GALNTL6: variants seen among roughly 807,000 people sequenced by gnomAD.
GALNTL6 encodes polypeptide N-acetylgalactosaminyltransferase like 6.
GALNTL6 carries 46 observed loss-of-function variants against 73.7 expected under a neutral mutation model. The ratio of observed to expected loss-of-function variants is 0.62; its 90% CI spans 0.49 to 0.80. The LOEUF is 0.80. Among genes scored for constraint, GALNTL6 ranks in the 30% least tolerant of loss-of-function variants. GALNTL6 has a pLI of 0.00. For synonymous variants in GALNTL6, 259 were observed against 263.7 expected (o/e 0.98, Z 0.17); for missense variants, 604 against 755.0 (o/e 0.80, Z 2.34).
chr4:172,066,797 G>T (rs944548883), intron 2 of GALNTL6, among the ~76,000 whole-genome samples: 2 of 152,026 alleles, frequency 1.3e-5, no homozygotes, highest in Non-Finnish European at 2.9e-5. Flanking sequence ...TTGCTAGTTT[G>T]TTTTTTCCAA....
intron 2 of GALNTL6, among the ~76,000 whole-genome samples, chr4:172,062,236 A>G (rs570811157): frequency 1.1e-3 from 160 of 152,096 alleles, no homozygotes; most frequent in South Asian, 4.1e-3. Context: ...TTACAGGCAT[A>G]AGCCACTACT....
intron 5 of GALNTL6, among the ~76,000 whole-genome samples, chr4:172,353,552 C>T (rs1171380470): frequency 1.3e-5 from 2 of 152,030 alleles, no homozygotes; most frequent in African/African-American, 4.8e-5. Context: ...CTTGTGAACT[C>T]ATTTTATAGC....
rs181735677 is a variant in GALNTL6 at position 172,573,033 on chromosome 4, A to G, written c.553+224344A>G. On this transcript the variant is annotated intron_variant, in intron 5 of 12. Coordinates refer to ENST00000506823, the MANE Select transcript of GALNTL6 (RefSeq NM_001034845.3). ...TCTTCTTACCCCATAATATCACTAA[A>G]TAGAACAGAGTGCAATTACTATTAT... Among the ~76,000 whole-genome samples the G allele has an allele frequency of 1.3e-3, 193 of 152,286 alleles. 1 individual carries two copies. In the Middle Eastern group the frequency reaches 0.014, roughly 11 times the overall value.
At chr4:172,230,434 A>C (rs1009238459) in intron 3 of GALNTL6, among the ~76,000 whole-genome samples, 52 of 152,140 alleles carry the variant, frequency 3.4e-4, no homozygotes, top group African/African-American at 1.3e-3. Context: ...AAAAATACAA[A>C]AAATTAGCTG....
At chr4:172,626,217 G>A (rs1739164850) in intron 5 of GALNTL6, among the ~76,000 whole-genome samples, 1 of 152,066 alleles carries the variant, frequency 6.6e-6, no homozygotes, top group South Asian at 2.1e-4. Flanking sequence ...GTAGGGGTCA[G>A]TTTCATTCTA....
chr4:171,852,923 T>C (rs902135591), intron 2 of GALNTL6, among the ~76,000 whole-genome samples: 1 of 151,620 alleles, frequency 6.6e-6, no homozygotes, highest in African/African-American at 2.4e-5. Context: ...CTCGGCTCAC[T>C]GCAAGCTCCG....
intron 10 of GALNTL6, among the ~76,000 whole-genome samples, chr4:172,997,489 GAA>G (rs546215938): frequency 2.1e-3 from 319 of 152,274 alleles, no homozygotes; most frequent in African/African-American, 6.8e-3. Flanking sequence ...CCTTCTAGCA[GAA>G]AAGAGTTGCT....
At chr4:172,582,726 T>C (rs926703151) in intron 5 of GALNTL6, among the ~76,000 whole-genome samples, 5 of 147,876 alleles carry the variant, frequency 3.4e-5, no homozygotes, top group South Asian at 2.1e-4. Flanking sequence ...CCAGTACTCA[T>C]TGGGAAATCA....
At chr4:171,903,508 C>T (rs956144134) in intron 2 of GALNTL6, among the ~76,000 whole-genome samples, 2 of 151,692 alleles carry the variant, frequency 1.3e-5, no homozygotes, top group Admixed American at 6.6e-5. Context: ...CACGGAGTCT[C>T]GCTGATTGCT....
chr4:172,415,266 T>TAA (rs1240655748), intron 5 of GALNTL6, among the ~76,000 whole-genome samples: 1 of 152,226 alleles, frequency 6.6e-6, no homozygotes, highest in East Asian at 1.9e-4. Flanking sequence ...GAAATTTTAT[T>TAA]AGAGTCTTTA....
Position 172,483,793 on chromosome 4 carries a change from C to T in GALNTL6, c.553+135104C>T, listed in dbSNP as rs114339481. 4.6e-3 allele frequency among the ~76,000 whole-genome samples: 700 copies of T among 151,812 alleles called. 2 individuals carry two copies. Among genetic ancestry groups the T allele is most frequent in the Non-Finnish European group, 7.3e-3 (496 of 67,924 alleles). ...ATGACTGCAACCTACAACATCCAGT[C>T]GGAAGACATCAGGGGACATTAAGTG... is the stretch of plus-strand genomic sequence containing the variant. On this transcript the variant is annotated intron_variant, in intron 5 of 12. Coordinates refer to ENST00000506823, the MANE Select transcript of GALNTL6 (RefSeq NM_001034845.3).
At chr4:171,992,835 G>A (rs1448224626) in intron 2 of GALNTL6, among the ~76,000 whole-genome samples, 1 of 152,032 alleles carries the variant, frequency 6.6e-6, no homozygotes, top group Admixed American at 6.6e-5. Context: ...GCATGTTGAT[G>A]AGTATCTGTA....
chr4:172,638,402 G>C (rs894354626), intron 5 of GALNTL6, among the ~76,000 whole-genome samples: 1 of 152,060 alleles, frequency 6.6e-6, no homozygotes, highest in Non-Finnish European at 1.5e-5. Context: ...GTAAGGAAGT[G>C]GGGTGGGGCA....
rs573076284 is a variant in GALNTL6 at position 172,302,038 on chromosome 4, CTTTG to C, written c.248-9572_248-9569del. 2.0e-5 allele frequency among the ~76,000 whole-genome samples: 3 copies of C among 152,326 alleles called. No individual in the cohort carries two copies. In the South Asian group the frequency reaches 6.2e-4, roughly 32 times the overall value. On this transcript the variant is annotated intron_variant, in intron 3 of 12. Transcript: ENST00000506823. The stretch of plus-strand genomic sequence containing the variant: ...CCACCCAGTTCAAGATTCCCAGCCG[CTTTG>C]TTTACCTACTCAAGGCTCAGCAATG...
At chr4:173,031,126 A>G (rs73003969) in intron 12 of GALNTL6, among the ~76,000 whole-genome samples, 252 of 152,194 alleles carry the variant, frequency 1.7e-3, no homozygotes, top group African/African-American at 5.9e-3. Context: ...CTTTCTTACT[A>G]TGAATTTCTG....
intron 10 of GALNTL6, among the ~76,000 whole-genome samples, chr4:173,002,516 C>G (rs750006641): frequency 6.6e-6 from 1 of 151,534 alleles, no homozygotes; most frequent in Non-Finnish European, 1.5e-5. Flanking sequence ...TATATGAGGT[C>G]GGGCATGGTG....
chr4:172,966,209 G>T (rs1750318377), intron 10 of GALNTL6, among the ~76,000 whole-genome samples: 1 of 152,042 alleles, frequency 6.6e-6, no homozygotes, highest in Admixed American at 6.5e-5. Context: ...CTACCAATGG[G>T]GTGACATAGT....
intron 4 of GALNTL6, among the ~76,000 whole-genome samples, chr4:172,328,277 C>A (rs1042870615): frequency 2.6e-5 from 4 of 152,028 alleles, no homozygotes; most frequent in African/African-American, 9.7e-5. Flanking sequence ...TGATGGGGTT[C>A]CCTTTGTAAG....
chr4:172,665,717 G>A (rs1278910152), intron 5 of GALNTL6, among the ~76,000 whole-genome samples: 2 of 152,162 alleles, frequency 1.3e-5, no homozygotes, highest in African/African-American at 4.8e-5. Flanking sequence ...ATAAGATAGA[G>A]CACAAGGAAT....
Sources: gnomAD v4.1 joint callset for allele counts (sites outside exome capture counted in the v4.1 genomes callset) on GRCh38, gnomAD v4.1.1 for gene constraint, MANE v1.5 for transcripts, NCBI Gene and HGNC (gene_info 2026-07-23, HGNC 2026-07-21) for gene names.